Variants in RERE observed in about 807,000 individuals in gnomAD.
RERE encodes arginine-glutamic acid dipeptide repeats, also known as arginine-glutamic acid dipeptide repeats protein.
In RERE, 40 loss-of-function variants were observed where a neutral mutation model predicts 146.1. The observed-to-expected ratio is 0.27, with a 90% CI of 0.21 to 0.36. The LOEUF (loss-of-function observed/expected upper bound fraction) is 0.36. RERE is among the 10% of genes least tolerant of loss of function. RERE has a pLI of 1.00. For synonymous variants in RERE, 1,003 were observed against 866.0 expected (o/e 1.16, Z -2.78); for missense variants, 1,933 against 2,138.7 (o/e 0.90, Z 1.90).
At chr1:8,492,731 C>T (rs1159499146) in intron 10 of RERE, among the ~76,000 whole-genome samples, 1 of 152,070 alleles carries the variant, frequency 6.6e-6, no homozygotes, top group African/African-American at 2.4e-5. Flanking sequence ...GGGACCTCAT[C>T]TTGACAAAAA....
chr1:8,655,600 CT>C (rs199872812), intron 2 of RERE, among the ~76,000 whole-genome samples: 3,362 of 152,286 alleles, frequency 0.022, 63 homozygotes, highest in Non-Finnish European at 0.037. Flanking sequence ...GTTTACTTGT[CT>C]CCACCAAGCA....
intron 1 of RERE, among the ~76,000 whole-genome samples, chr1:8,797,162 C>A (rs1641491907): frequency 6.6e-6 from 1 of 151,952 alleles, no homozygotes; most frequent in South Asian, 2.1e-4. Context: ...TCACTTGAGG[C>A]CAGGAGTTCA....
At chr1:8,805,516 G>C (rs1557553808) in intron 1 of RERE, among the ~76,000 whole-genome samples, 1 of 152,040 alleles carries the variant, frequency 6.6e-6, no homozygotes, top group Non-Finnish European at 1.5e-5. Context: ...AGGCATGGTG[G>C]CAGGCGCCTG....
chr1:8,795,982 C>CAAAAAAAAAAAAA (rs556814425), intron 1 of RERE, among the ~76,000 whole-genome samples: 1 of 30,020 alleles, frequency 3.3e-5, no homozygotes, highest in Admixed American at 3.8e-4. Flanking sequence ...AACTCCGTCT[C>CAAAAAAAAAAAAA]AAAAAAAAAA....
intron 12 of RERE, among the ~76,000 whole-genome samples, chr1:8,411,075 A>C (rs574813084): frequency 3.9e-5 from 6 of 152,242 alleles, no homozygotes; most frequent in Non-Finnish European, 8.8e-5. Flanking sequence ...AGAAATAATA[A>C]CTAGAACAGA....
rs553629539 is a variant in RERE, at chr1:8,705,058, C to A, written c.-144-48617G>T. ...GCTACTCCTGTACTTGGACACACTT[C>A]CAATTTTCTAACCAGCTATATCCAG... On this transcript the variant is annotated intron_variant, in intron 1 of 22. Coordinates refer to ENST00000400908, the MANE Select transcript of RERE (RefSeq NM_001042681.2). 2.6e-5 allele frequency among the ~76,000 whole-genome samples: 4 copies of A among 152,312 alleles called. No individual in the cohort carries two copies. In the South Asian group the frequency reaches 8.3e-4, roughly 32 times the overall value.
In RERE at chr1:8,361,827, C is replaced by T. The variant is rs778509047; in HGVS notation, c.1952G>A (p.Arg651Gln). 6.2e-7 allele frequency: 1 copy of T among 1,614,110 alleles called. No homozygotes were observed. Among genetic ancestry groups the T allele is most frequent in the Non-Finnish European group, 8.5e-7 (1 of 1,179,956 alleles). Residue 651 changes from arginine (R) to glutamine (Q), a missense_variant, in exon 17 of 23, where the codon CGG becomes CAG. Physicochemically the swap from Arg to Gln is conservative, Grantham distance 43 (BLOSUM62 1). Transcript: ENST00000400908. The part of the protein sequence containing the change: ...SSPLKSNKRQ[R>Q]EKVASDTEEA... ...CTCCGTATCAGAGGCCACCTTCTCC[C>T]GCTGGCGTTTGTTACTCTTAAGAGG...
chr1:8,804,677 C>T (rs1641649830), intron 1 of RERE, among the ~76,000 whole-genome samples: 2 of 152,084 alleles, frequency 1.3e-5, no homozygotes, highest in Non-Finnish European at 1.5e-5. Context: ...GGGAGTGTGC[C>T]CAGCTTTTGC....
intron 1 of RERE, among the ~76,000 whole-genome samples, chr1:8,715,351 A>G (rs1201451847): frequency 6.6e-6 from 1 of 151,528 alleles, no homozygotes; most frequent in East Asian, 2.0e-4. Flanking sequence ...GTCTCTACTA[A>G]AAACACAAAA....
chr1:8,359,516 C>T (rs1465286951), intron 19 of RERE, among the ~76,000 whole-genome samples: 1 of 152,208 alleles, frequency 6.6e-6, no homozygotes, highest in East Asian at 1.9e-4. Flanking sequence ...TCCTCGAAGG[C>T]CCTCCGGTAG....
At chr1:8,516,394 TAAC>T (rs1462534320) in intron 7 of RERE, among the ~76,000 whole-genome samples, 5 of 152,188 alleles carry the variant, frequency 3.3e-5, no homozygotes, top group East Asian at 3.9e-4. Flanking sequence ...GTAATAATAA[TAAC>T]AATACTAATT....
At position 8,360,675 on chromosome 1, in the gene RERE, G is replaced by C. The variant is rs149356659; in HGVS notation, c.2832C>G (p.Ala944=). Reference sequence around the variant, plus strand: ...CCGAGAGGTGGGGAGGGTGCTTGTGGGCCTGTGGCGCCGGCAGCTGGGGGA... The same window carrying C: ...CCGAGAGGTGGGGAGGGTGCTTGTGCGCCTGTGGCGCCGGCAGCTGGGGGA... ...TPIPQLPAPQ[A]HKHPPHLSGP... The change falls in exon 18 of 23, where the codon GCC becomes GCG. Residue 944 remains alanine (A), a synonymous_variant. Transcript: ENST00000400908. 6.5e-6 allele frequency: 10 copies of C among 1,548,868 alleles called. No homozygotes were observed. The highest frequency in any genetic ancestry group is 8.7e-6 in the Non-Finnish European group (10 of 1,148,756).
Position 8,623,177 on chromosome 1 carries a change from T to C in RERE, c.396+1133A>G, listed in dbSNP as rs569746064. On this transcript the variant is annotated intron_variant, in intron 3 of 22. Coordinates refer to ENST00000400908, the MANE Select transcript of RERE (RefSeq NM_001042681.2). ...AAACAGTGGTTCCCGGCTGGCATGG[T>C]AGCTCACGTTTGTAATCCCAGCACT... Among the ~76,000 whole-genome samples, 109 of 152,342 alleles carry C rather than the reference T, an allele frequency of 7.2e-4. 1 individual carries two copies. The South Asian group carries it at 9.5e-3, about 13-fold the overall frequency.
intron 12 of RERE, among the ~76,000 whole-genome samples, chr1:8,402,118 C>T (rs530763701): frequency 6.6e-5 from 10 of 152,266 alleles, no homozygotes; most frequent in East Asian, 1.9e-4. Flanking sequence ...CCACCTGCCT[C>T]GACCTCCCAA....
chr1:8,515,024 A>C (rs1000232887), intron 7 of RERE, among the ~76,000 whole-genome samples: 1 of 152,142 alleles, frequency 6.6e-6, no homozygotes, highest in African/African-American at 2.4e-5. Flanking sequence ...ATATTAACAG[A>C]CATGTTAGTA....
chr1:8,437,459 C>A (rs912949379), intron 11 of RERE, among the ~76,000 whole-genome samples: 1 of 152,016 alleles, frequency 6.6e-6, no homozygotes, highest in Non-Finnish European at 1.5e-5. Flanking sequence ...TACAGGCACT[C>A]TGGTCTCCCG....
At chr1:8,386,575 T>TTTTTTTTTTTTTTTTTTTTTTAG in intron 12 of RERE, among the ~76,000 whole-genome samples, 1 of 148,060 alleles carries the variant, frequency 6.8e-6, no homozygotes, top group South Asian at 2.2e-4. Flanking sequence ...CTAGAACTCT[T>TTTTTTTTTTTTTTTTTTTTTTAG]ACAAATGAAA....
rs187816799 is a variant in RERE, at chr1:8,783,616, G to C, written c.-145+33544C>G. On this transcript the variant is annotated intron_variant, in intron 1 of 22. Coordinates refer to ENST00000400908, the MANE Select transcript of RERE (RefSeq NM_001042681.2). ...ACTCAGGAGTTTGAGACCAGCATGG[G>C]CAACCTAAGGAGAGCTGTCTCTACT... 5.0e-3 allele frequency among the ~76,000 whole-genome samples: 757 copies of C among 152,236 alleles called. 3 individuals are homozygous for C. The highest frequency in any genetic ancestry group is 0.01 in the Middle Eastern group (3 of 294).
chr1:8,786,609 C>T (rs1276116306), intron 1 of RERE: 2 of 767,044 alleles, frequency 2.6e-6, no homozygotes, highest in South Asian at 2.7e-5. Context: ...GGCGAAGAAG[C>T]TGCAACACCT....
Sources: allele counts gnomAD v4.1 joint callset (sites outside exome capture counted in the v4.1 genomes callset), GRCh38; gene constraint gnomAD v4.1.1; transcripts MANE v1.5; gene names NCBI Gene and HGNC (gene_info 2026-07-23, HGNC 2026-07-21).